The following CHRM5 variants were observed in gnomAD, a reference collection of about 807,000 sequenced individuals.
CHRM5 encodes the protein cholinergic receptor muscarinic 5, also known as muscarinic acetylcholine receptor M5.
Under a neutral mutation model 39.0 loss-of-function variants are expected in CHRM5, and 18 were observed. That is an observed-to-expected ratio of 0.46 (90% confidence interval 0.32 to 0.68). The LOEUF (loss-of-function observed/expected upper bound fraction) is 0.68. Ranked by LOEUF, CHRM5 falls within the 30% of genes least tolerant of loss-of-function variation. The probability of loss-of-function intolerance (pLI) is 0.04; values close to 1 mark genes in which losing one functional copy is unlikely to be tolerated. For missense variants in CHRM5, 515 were observed against 651.1 expected, an observed-to-expected ratio of 0.79 and a Z score of 2.28; for synonymous variants, 241 against 246.3, an observed-to-expected ratio of 0.98 and a Z score of 0.20.
Position 34,063,965 on chromosome 15 carries a change from A to G in CHRM5, c.1248A>G (p.Lys416=). 5 of 1,614,182 alleles carry G rather than the reference A, an allele frequency of 3.1e-6. No homozygotes were observed. The highest frequency in any genetic ancestry group is 4.2e-6 in the Non-Finnish European group (5 of 1,180,032). ...PFPVAKEPST[K]GLNPNPSHQM... ...CAGTGGCCAAGGAACCTTCAACGAA[A>G]GGCCTCAATCCCAACCCCAGCCATC... Residue 416 remains lysine (K), a synonymous_variant, in exon 3 of 3, where the codon AAA becomes AAG. Transcript: ENST00000383263. The surrounding 1 kb of genome is among the most constrained non-coding windows in gnomAD (Gnocchi z 4.1).
chr15:34,026,928 G>A (rs1272352578), intron 1 of CHRM5, among the ~76,000 whole-genome samples: 1 of 152,140 alleles, frequency 6.6e-6, no homozygotes, highest in African/African-American at 2.4e-5. Flanking sequence ...AGAGTGACAT[G>A]ATGTGTTTTG....
chr15:33,994,698 CT>C (rs1296535337), intron 1 of CHRM5, among the ~76,000 whole-genome samples: 8 of 152,128 alleles, frequency 5.3e-5, no homozygotes, highest in Middle Eastern at 3.2e-3. Context: ...TAGAAATTCA[CT>C]TTTTAATTAC....
intron 1 of CHRM5, among the ~76,000 whole-genome samples, chr15:34,030,374 C>T (rs2140757355): frequency 6.6e-6 from 1 of 152,244 alleles, no homozygotes; most frequent in South Asian, 2.1e-4. Context: ...GAGACGGAGT[C>T]TTGCTCTGTC....
intron 1 of CHRM5, among the ~76,000 whole-genome samples, chr15:34,046,307 A>G (rs925831762): frequency 1.3e-5 from 2 of 150,366 alleles, no homozygotes; most frequent in African/African-American, 4.9e-5. Context: ...GCAGCCTAGG[A>G]ATCAGGAAAA....
At chr15:33,981,583 G>A (rs548949935) in intron 1 of CHRM5, among the ~76,000 whole-genome samples, 20 of 152,252 alleles carry the variant, frequency 1.3e-4, no homozygotes, top group African/African-American at 4.8e-4. Flanking sequence ...CTGCTGCATA[G>A]CCAACTGTAT....
At chr15:34,016,029 C>A (rs978787497) in intron 1 of CHRM5, among the ~76,000 whole-genome samples, 5 of 152,186 alleles carry the variant, frequency 3.3e-5, no homozygotes, top group Non-Finnish European at 5.9e-5. Context: ...GTAATCCCAG[C>A]ACTTTGGGAG....
At chr15:33,980,553 T>A (rs778285209) in intron 1 of CHRM5, among the ~76,000 whole-genome samples, 25 of 152,148 alleles carry the variant, frequency 1.6e-4, no homozygotes, top group Non-Finnish European at 3.7e-4. Context: ...TGTATGGGTA[T>A]CCTGGGAGAT....
chr15:34,027,303 T>C (rs1212321078), intron 1 of CHRM5, among the ~76,000 whole-genome samples: 3 of 151,852 alleles, frequency 2.0e-5, no homozygotes, highest in Non-Finnish European at 1.5e-5. Flanking sequence ...TCACCTGAGG[T>C]CAGGAGTTCA....
intron 1 of CHRM5, among the ~76,000 whole-genome samples, chr15:33,996,034 A>C (rs548012872): frequency 1.3e-5 from 2 of 152,236 alleles, no homozygotes; most frequent in Non-Finnish European, 2.9e-5. Flanking sequence ...TATATCCCAC[A>C]CATGGCTAGG....
chr15:33,981,520 T>A (rs1023498026), intron 1 of CHRM5, among the ~76,000 whole-genome samples: 1 of 152,160 alleles, frequency 6.6e-6, no homozygotes, highest in Non-Finnish European at 1.5e-5. Flanking sequence ...GAAACACAAG[T>A]TTCCCAAACA....
In CHRM5 at chr15:33,990,153, G is replaced by A. The variant is rs529532092; in HGVS notation, c.-408+21003G>A. ...TGGGAGGCAGAGGTTGCAGTGAGCC[G>A]AGATTGCATCGTTGCAATCCAGACT... On this transcript the variant is annotated intron_variant, in intron 1 of 2. Coordinates refer to ENST00000383263, the MANE Select transcript of CHRM5 (RefSeq NM_012125.4). 1.5e-4 allele frequency among the ~76,000 whole-genome samples: 23 copies of A among 151,998 alleles called. No homozygotes were observed. The South Asian group carries it at 2.3e-3, about 15-fold the overall frequency.
rs1486424898 is a variant in CHRM5, at chr15:34,062,675, G to C, written c.-43G>C. 1 of 1,561,486 alleles carries C rather than the reference G, an allele frequency of 6.4e-7. No individual in the cohort carries two copies. Among genetic ancestry groups the C allele is most frequent in the African/African-American group, 1.4e-5 (1 of 73,808 alleles). On this transcript the variant is annotated 5_prime_UTR_variant, in exon 3 of 3. Transcript: ENST00000383263. ...CCAAGAAGAGCTGAAATAGAAAACA[G>C]CCTAGAACCTAACACTATTTACTGT...
chr15:34,063,735 G>A lies in CHRM5; in HGVS notation c.1018G>A (p.Glu340Lys). Residue 340 changes from glutamate (E) to lysine (K), a missense_variant, in exon 3 of 3, where the codon GAA becomes AAA. Transcript: ENST00000383263. The surrounding 1 kb of genome is among the most constrained non-coding windows in gnomAD (Gnocchi z 4.1). ...AAGCCCAGGGGAAGAATTCAGTGCT[G>A]AAGAGACTGAGGAAACTTTTGTGAA... The part of the protein sequence containing the change: ...KESPGEEFSA[E>K]ETEETFVKAE... 4.3e-6 allele frequency: 7 copies of A among 1,614,216 alleles called. No homozygotes were observed. Among genetic ancestry groups the A allele is most frequent in the Non-Finnish European group, 4.2e-6 (5 of 1,180,046 alleles).
At chr15:34,046,343 G>A (rs2684947) in intron 1 of CHRM5, among the ~76,000 whole-genome samples, 197 bp from the exon 2 acceptor site, 26 of 141,404 alleles carry the variant, frequency 1.8e-4, no homozygotes, top group South Asian at 4.4e-4. Flanking sequence ...AGTGAGGCAG[G>A]AAAAAAAAAA....
At chr15:34,037,988 C>T (rs1326067556) in intron 1 of CHRM5, among the ~76,000 whole-genome samples, 3 of 152,220 alleles carry the variant, frequency 2.0e-5, no homozygotes, top group African/African-American at 7.2e-5. Flanking sequence ...CCTCTAACTC[C>T]TTTAGCTGAG....
At position 34,034,970 on chromosome 15, in the gene CHRM5, G is replaced by A. The variant is rs568190962; in HGVS notation, c.-407-11570G>A. ...CTCAGTCTCTAGCTGGCTGACAAGC[G>A]GCTGGTGGCTACTCTGAGCAACAAT... is the stretch of plus-strand genomic sequence containing the variant. On this transcript the variant is annotated intron_variant, in intron 1 of 2. Transcript: ENST00000383263. Among the ~76,000 whole-genome samples, 63 of 152,266 alleles carry A rather than the reference G, an allele frequency of 4.1e-4. 1 individual carries two copies. Among genetic ancestry groups the A allele is most frequent in the Admixed American group, 1.0e-3 (16 of 15,278 alleles).
At chr15:34,028,092 C>A (rs892136973) in intron 1 of CHRM5, among the ~76,000 whole-genome samples, 2 of 152,188 alleles carry the variant, frequency 1.3e-5, no homozygotes, top group African/African-American at 2.4e-5. Flanking sequence ...ATACCCCACA[C>A]ACAGAGAGAC....
chr15:33,974,643 AATCTGTGATTTGATGTTGG>A (rs1443088211), intron 1 of CHRM5, among the ~76,000 whole-genome samples: 1 of 152,178 alleles, frequency 6.6e-6, no homozygotes, highest in African/African-American at 2.4e-5. Context: ...TCCTCACAGA[AATCTGTGATTTGATGTTGG>A]CGTGCACAAC....
intron 1 of CHRM5, among the ~76,000 whole-genome samples, chr15:33,997,077 CA>C (rs1352955904): frequency 2.0e-5 from 3 of 152,024 alleles, no homozygotes; most frequent in Non-Finnish European, 4.4e-5. Context: ...TAACATTCTT[CA>C]GGAAAAAAAG....
Sources: allele counts gnomAD v4.1 joint callset (sites outside exome capture counted in the v4.1 genomes callset), GRCh38; gene constraint gnomAD v4.1.1; non-coding constraint Gnocchi (gnomAD v3.1); transcripts MANE v1.5; gene names NCBI Gene and HGNC (gene_info 2026-07-23, HGNC 2026-07-21).